Variants in NCMAP observed in about 807,000 individuals in gnomAD.
NCMAP encodes the protein non-compact myelin associated protein.
Under a neutral mutation model 7.8 loss-of-function variants are expected in NCMAP, and 8 were observed. The ratio of observed to expected loss-of-function variants is 1.02; its 90% CI spans 0.60 to 1.84. The LOEUF (loss-of-function observed/expected upper bound fraction) is 1.84. Ranked by LOEUF, NCMAP falls within the 40% of genes most tolerant of loss-of-function variation. NCMAP has a pLI of 0.00. For missense variants in NCMAP, 112 were observed against 131.4 expected (o/e 0.85, Z 0.72); for synonymous variants, 41 against 52.9 (o/e 0.78, Z 0.98).
At chr1:24,604,463 T>C (rs113047330) in intron 3 of NCMAP, among the ~76,000 whole-genome samples, 7,682 of 146,016 alleles carry the variant, frequency 0.053, 688 homozygotes, top group African/African-American at 0.19. Context: ...GTAGTTCCAC[T>C]TATTTGGGAG....
intron 1 of NCMAP, among the ~76,000 whole-genome samples, chr1:24,573,391 C>A (rs192306420): frequency 6.6e-6 from 1 of 150,618 alleles, no homozygotes; most frequent in Non-Finnish European, 1.5e-5. Flanking sequence ...AGTTCAAGAC[C>A]AACCTGGCCA....
chr1:24,570,166 G>C (rs1651348168), intron 1 of NCMAP, among the ~76,000 whole-genome samples: 1 of 145,126 alleles, frequency 6.9e-6, no homozygotes, highest in Admixed American at 6.8e-5. Context: ...GGCTGCTCTT[G>C]AACTCCTGAG....
chr1:24,595,351 CA>C, intron 1 of NCMAP, 72 bp from the exon 2 acceptor site: 1 of 1,055,794 alleles, frequency 9.5e-7, no homozygotes, highest in Non-Finnish European at 1.4e-6. Context: ...AGATAAAGAC[CA>C]AAAGAGGCAT....
intron 1 of NCMAP, 73 bp downstream of exon 1, chr1:24,556,242 G>A (rs1194197449): frequency 4.6e-5 from 7 of 152,628 alleles, no homozygotes; most frequent in African/African-American, 1.4e-4. Flanking sequence ...AGGTGCGGTG[G>A]CTTCCTGTCC....
chr1:24,604,400 C>A (rs1652612293), intron 3 of NCMAP, among the ~76,000 whole-genome samples: 1 of 149,510 alleles, frequency 6.7e-6, no homozygotes, highest in Admixed American at 6.7e-5. Flanking sequence ...CATAGTGAAA[C>A]CCTGTCTCTA....
chr1:24,593,517 T>G (rs1209922744), intron 1 of NCMAP, among the ~76,000 whole-genome samples: 1 of 152,078 alleles, frequency 6.6e-6, no homozygotes, highest in Non-Finnish European at 1.5e-5. Flanking sequence ...ATAGAAAAAC[T>G]GAAGAAAACA....
At chr1:24,596,938 G>A (rs1261302395) in intron 2 of NCMAP, among the ~76,000 whole-genome samples, 1 of 152,038 alleles carries the variant, frequency 6.6e-6, no homozygotes, top group Non-Finnish European at 1.5e-5. Context: ...TATACCCCTG[G>A]GCATGGGACA....
chr1:24,604,791 C>T (rs1489016957), intron 3 of NCMAP, among the ~76,000 whole-genome samples: 1 of 148,796 alleles, frequency 6.7e-6, no homozygotes, highest in Non-Finnish European at 1.5e-5. Context: ...CCAGCCTGGC[C>T]AACATGGTGA....
intron 1 of NCMAP, among the ~76,000 whole-genome samples, chr1:24,573,096 C>T (rs1159912972): frequency 1.3e-5 from 2 of 150,652 alleles, no homozygotes; most frequent in Non-Finnish European, 1.5e-5. Flanking sequence ...CCAGGCCCTG[C>T]TCACACACCT....
intron 1 of NCMAP, among the ~76,000 whole-genome samples, chr1:24,571,336 G>T (rs547806290): frequency 6.7e-6 from 1 of 149,922 alleles, no homozygotes; most frequent in East Asian, 2.0e-4. Context: ...TTAGCCAGGC[G>T]TGGTAGTGGA....
chr1:24,580,053 T>C (rs1019565604), intron 1 of NCMAP, among the ~76,000 whole-genome samples: 2 of 152,152 alleles, frequency 1.3e-5, no homozygotes, highest in Non-Finnish European at 2.9e-5. Context: ...AGATTCTGCA[T>C]TCCCAACAAA....
Position 24,608,583 on chromosome 1 carries a change from C to T in NCMAP, c.*2836C>T, listed in dbSNP as rs992234501. The T allele has an allele frequency of 6.6e-6, 1 of 152,250 alleles. No homozygotes were observed. Among genetic ancestry groups the T allele is most frequent in the Non-Finnish European group, 1.5e-5 (1 of 68,104 alleles). 9.4% of individuals were successfully genotyped at this position (152,250 alleles called of 1,614,324 possible). On this transcript the variant is annotated 3_prime_UTR_variant, in exon 4 of 4. Coordinates refer to ENST00000374392, the MANE Select transcript of NCMAP (RefSeq NM_001010980.5). Reference sequence around the variant, plus strand: ...TCAAGCCATAAACAAATATGCTCCCCTAAACATATTCGGCTTGAAAAAGTT... The same window carrying T: ...TCAAGCCATAAACAAATATGCTCCCTTAAACATATTCGGCTTGAAAAAGTT...
At chr1:24,586,924 T>C (rs375876780) in intron 1 of NCMAP, among the ~76,000 whole-genome samples, 2 of 152,186 alleles carry the variant, frequency 1.3e-5, no homozygotes, top group Non-Finnish European at 2.9e-5. Flanking sequence ...CAATCCAGGG[T>C]AATATCGATA....
intron 3 of NCMAP, 35 bp from the exon 4 acceptor site, chr1:24,605,571 A>G (rs1431609558): frequency 6.2e-7 from 1 of 1,606,002 alleles, no homozygotes; most frequent in African/African-American, 1.3e-5. Flanking sequence ...ATACCAGGGG[A>G]AAGACTCAAC....
At chr1:24,561,403 A>G (rs1464309556) in intron 1 of NCMAP, among the ~76,000 whole-genome samples, 2 of 152,332 alleles carry the variant, frequency 1.3e-5, no homozygotes, top group African/African-American at 2.4e-5. Context: ...TGGGTATATC[A>G]AAACATCTTC....
intron 1 of NCMAP, among the ~76,000 whole-genome samples, chr1:24,569,139 G>A (rs1570516353): frequency 6.6e-6 from 1 of 151,742 alleles, no homozygotes; most frequent in Non-Finnish European, 1.5e-5. Context: ...GATTACAGGC[G>A]CCTGCCACCA....
Position 24,595,268 on chromosome 1 carries a change from G to A in NCMAP, c.-7-156G>A, listed in dbSNP as rs1016689741. ...GTATTAGTATTAAATCCCCACCCAC[G>A]GTATCTAATAATGGGTTTTGCATTT... On this transcript the variant is annotated intron_variant, in intron 1 of 3. Coordinates refer to ENST00000374392, the MANE Select transcript of NCMAP (RefSeq NM_001010980.5). Among the ~76,000 whole-genome samples, 7 of 152,110 alleles carry A rather than the reference G, an allele frequency of 4.6e-5. No individual in the cohort carries two copies. The highest frequency in any genetic ancestry group is 3.8e-4 in the East Asian group (2 of 5,198).
Position 24,608,381 on chromosome 1 carries a change from G to T in NCMAP, c.*2634G>T, listed in dbSNP as rs74062062. The T allele has an allele frequency of 0.054, 8,294 of 152,344 alleles. 770 individuals carry two copies. The highest frequency in any genetic ancestry group is 0.19 in the African/African-American group (7,853 of 41,468). 9.4% of individuals were successfully genotyped at this position (152,344 alleles called of 1,614,324 possible). A position where few individuals can be genotyped will look rare whatever the true frequency, so the allele number is the denominator to read the frequency against. On this transcript the variant is annotated 3_prime_UTR_variant, in exon 4 of 4. Transcript: ENST00000374392. ...AGATCAGGGTTCTGGCTTCCAGGCT[G>T]AAGGTGAGGGAAAAGCCACTTCTAA...
chr1:24,575,915 C>CAA (rs10549961), intron 1 of NCMAP, among the ~76,000 whole-genome samples: 7 of 79,558 alleles, frequency 8.8e-5, no homozygotes, highest in Admixed American at 1.7e-4. Flanking sequence ...ATTGCACTCT[C>CAA]AAAAAAAAAA....
Sources: gnomAD v4.1 joint callset for allele counts (sites outside exome capture counted in the v4.1 genomes callset) on GRCh38, gnomAD v4.1.1 for gene constraint, MANE v1.5 for transcripts, NCBI Gene and HGNC (gene_info 2026-07-23, HGNC 2026-07-21) for gene names.